Variants in RBMS3 observed in about 807,000 individuals in gnomAD.
The protein encoded by RBMS3 is RNA-binding motif, single-stranded-interacting protein 3.
Under a neutral mutation model 66.8 loss-of-function variants are expected in RBMS3, and 27 were observed. That is an observed-to-expected ratio of 0.40 (90% confidence interval 0.30 to 0.56). The LOEUF is 0.56. Among genes scored for constraint, RBMS3 ranks in the 20% least tolerant of loss-of-function variants. The pLI, the probability that RBMS3 is intolerant of heterozygous loss-of-function variation, is 0.40. For synonymous variants in RBMS3, 188 were observed against 183.0 expected, an observed-to-expected ratio of 1.03 and a Z score of -0.22; for missense variants, 513 against 549.5, an observed-to-expected ratio of 0.93 and a Z score of 0.66.
intron 5 of RBMS3, among the ~76,000 whole-genome samples, chr3:29,743,055 G>T (rs574548387): frequency 1.3e-5 from 2 of 152,300 alleles, no homozygotes; most frequent in Non-Finnish European, 2.9e-5. Context: ...ATGTATCTTA[G>T]ATTTTAAATT....
At chr3:29,556,194 T>A (rs2046356493) in intron 3 of RBMS3, 1 of 152,218 alleles carries the variant, frequency 6.6e-6, no homozygotes, top group South Asian at 2.1e-4. Context: ...TTCTCAGAAT[T>A]ATTTTCTAAT....
chr3:29,302,104 G>A (rs1328978184), intron 1 of RBMS3, among the ~76,000 whole-genome samples: 1 of 151,920 alleles, frequency 6.6e-6, no homozygotes, highest in Non-Finnish European at 1.5e-5. Context: ...TGAGCTTCTG[G>A]GTTCAAGTGA....
At chr3:29,363,714 C>T (rs964486339) in intron 1 of RBMS3, among the ~76,000 whole-genome samples, 1 of 151,706 alleles carries the variant, frequency 6.6e-6, no homozygotes, top group African/African-American at 2.4e-5. Flanking sequence ...TACTTGAACC[C>T]AGGAGGCGGA....
At chr3:29,413,357 G>A (rs1465590462) in intron 1 of RBMS3, among the ~76,000 whole-genome samples, 2 of 150,924 alleles carry the variant, frequency 1.3e-5, no homozygotes, top group African/African-American at 4.9e-5. Flanking sequence ...CAAAGAGAGT[G>A]AAACTCCATC....
chr3:29,284,877 T>C (rs2032159265), intron 1 of RBMS3, among the ~76,000 whole-genome samples: 1 of 148,514 alleles, frequency 6.7e-6, no homozygotes, highest in African/African-American at 2.5e-5. Flanking sequence ...TTTTTTTTTT[T>C]TTTTTTACCA....
At chr3:29,360,837 A>T (rs2037538863) in intron 1 of RBMS3, among the ~76,000 whole-genome samples, 1 of 151,924 alleles carries the variant, frequency 6.6e-6, no homozygotes, top group Non-Finnish European at 1.5e-5. Context: ...TTGTTTGTTT[A>T]AAGTGTGTTT....
Position 29,539,992 on chromosome 3 carries a change from T to C in RBMS3, c.308-47122T>C, listed in dbSNP as rs371001308. 3.3e-5 allele frequency among the ~76,000 whole-genome samples: 5 copies of C among 152,364 alleles called. No homozygotes were observed. In the East Asian group the frequency reaches 9.7e-4, roughly 29 times the overall value. On this transcript the variant is annotated intron_variant, in intron 3 of 14. Coordinates refer to ENST00000383767, the MANE Select transcript of RBMS3 (RefSeq NM_001003793.3). ...CAAACACTCTTTCTTATGTCTCACC[T>C]AGGTGCCTCTTGGTAATATTCTGTT...
chr3:30,009,461 C>T lies in RBMS3; in HGVS notation c.*5599C>T, dbSNP rs1699897006. ...TATCTATAATGTCTTTTCTTATCTACCACAAATAATTGAGAGTTGGCTAAA... is the reference window on the plus strand; with the variant it reads ...TATCTATAATGTCTTTTCTTATCTATCACAAATAATTGAGAGTTGGCTAAA... On this transcript the variant is annotated 3_prime_UTR_variant, in exon 15 of 15. Coordinates refer to ENST00000383767, the MANE Select transcript of RBMS3 (RefSeq NM_001003793.3). The T allele has an allele frequency of 6.6e-6, 1 of 151,926 alleles. No individual in the cohort carries two copies. The highest frequency in any genetic ancestry group is 1.5e-5 in the Non-Finnish European group (1 of 67,980). 9.4% of individuals were successfully genotyped at this position (151,926 alleles called of 1,614,324 possible).
chr3:29,689,810 T>C (rs1346239076), intron 4 of RBMS3, among the ~76,000 whole-genome samples: 1 of 150,296 alleles, frequency 6.7e-6, no homozygotes, highest in Admixed American at 6.7e-5. Context: ...CCAGGAGCAG[T>C]GGCTCATGCA....
At chr3:29,393,541 T>C (rs1001364099) in intron 1 of RBMS3, among the ~76,000 whole-genome samples, 1 of 152,180 alleles carries the variant, frequency 6.6e-6, no homozygotes, top group African/African-American at 2.4e-5. Context: ...TAGTATCATA[T>C]TTAACAAAAC....
intron 4 of RBMS3, among the ~76,000 whole-genome samples, chr3:29,661,196 CAG>C (rs1315898177): frequency 1.3e-5 from 2 of 152,162 alleles, no homozygotes; most frequent in Non-Finnish European, 2.9e-5. Flanking sequence ...CAACATACTT[CAG>C]AGTTACAAAA....
chr3:29,299,171 A>C (rs2125442293), intron 1 of RBMS3, among the ~76,000 whole-genome samples: 1 of 152,048 alleles, frequency 6.6e-6, no homozygotes, highest in South Asian at 2.1e-4. Context: ...ATATTGCTTA[A>C]GTAACAGCAG....
intron 4 of RBMS3, among the ~76,000 whole-genome samples, chr3:29,707,051 A>G (rs2052931837): frequency 6.6e-6 from 1 of 152,224 alleles, no homozygotes; most frequent in Non-Finnish European, 1.5e-5. Context: ...AATGGGGTCT[A>G]TACATTAATT....
chr3:29,749,174 C>A (rs1199611805), intron 5 of RBMS3, among the ~76,000 whole-genome samples: 1 of 152,128 alleles, frequency 6.6e-6, no homozygotes, highest in Non-Finnish European at 1.5e-5. Flanking sequence ...TGAAAACATC[C>A]TGAAGAAAAT....
At chr3:29,798,343 G>A (rs1211693508) in intron 6 of RBMS3, among the ~76,000 whole-genome samples, 18 of 95,458 alleles carry the variant, frequency 1.9e-4, no homozygotes, top group African/African-American at 7.7e-4. Flanking sequence ...GGGGAGGGGA[G>A]GGGAGGAGAG....
intron 4 of RBMS3, among the ~76,000 whole-genome samples, chr3:29,626,093 A>G (rs2049052696): frequency 1.3e-5 from 2 of 152,232 alleles, no homozygotes; most frequent in East Asian, 1.9e-4. Flanking sequence ...TTGATTATAA[A>G]GAAGGAAGAA....
At chr3:29,330,894 C>G (rs1484473972) in intron 1 of RBMS3, among the ~76,000 whole-genome samples, 3 of 152,142 alleles carry the variant, frequency 2.0e-5, no homozygotes. Context: ...GATTGAATTG[C>G]TTGTGCCACT....
At chr3:29,469,333 C>G (rs555196643) in intron 2 of RBMS3, among the ~76,000 whole-genome samples, 3 of 152,036 alleles carry the variant, frequency 2.0e-5, no homozygotes, top group Middle Eastern at 3.4e-3. Flanking sequence ...TTCAATGATC[C>G]CACTCCTGAG....
At chr3:29,419,317 T>G (rs1368138728) in intron 1 of RBMS3, among the ~76,000 whole-genome samples, 1 of 152,222 alleles carries the variant, frequency 6.6e-6, no homozygotes, top group African/African-American at 2.4e-5. Context: ...TAATTGTCAC[T>G]GGATATATTT....
Sources: gnomAD v4.1 joint callset for allele counts (sites outside exome capture counted in the v4.1 genomes callset) on GRCh38, gnomAD v4.1.1 for gene constraint, MANE v1.5 for transcripts, NCBI Gene and HGNC (gene_info 2026-07-23, HGNC 2026-07-21) for gene names.